WDR41: variants seen among roughly 807,000 people sequenced by gnomAD.
WDR41 encodes WD repeat domain 41.
WDR41 carries 63 observed loss-of-function variants against 69.3 expected under a neutral mutation model. The ratio of observed to expected loss-of-function variants is 0.91; its 90% CI spans 0.74 to 1.12. The LOEUF (loss-of-function observed/expected upper bound fraction) is 1.12. WDR41 is among the 50% of genes most tolerant of loss of function. WDR41 has a pLI of 0.00. For missense variants in WDR41, 543 were observed against 534.5 expected, an observed-to-expected ratio of 1.02 and a Z score of -0.16; for synonymous variants, 185 against 192.1, an observed-to-expected ratio of 0.96 and a Z score of 0.31.
At chr5:77,458,990 TAA>T in intron 5 of WDR41, 70 bp downstream of exon 5, 1 of 1,120,286 alleles carries the variant, frequency 8.9e-7, no homozygotes, top group Non-Finnish European at 1.3e-6. Flanking sequence ...TAATTTCGTC[TAA>T]CTCTTTAAAC....
intron 1 of WDR41, chr5:77,582,696 G>A: frequency 1.3e-6 from 2 of 1,597,778 alleles, no homozygotes; most frequent in Non-Finnish European, 1.7e-6. Flanking sequence ...AGGTCCGAAA[G>A]GTGTTGCAGC....
intron 8 of WDR41, among the ~76,000 whole-genome samples, chr5:77,443,633 C>T (rs542299855): frequency 1.3e-5 from 2 of 152,236 alleles, no homozygotes; most frequent in East Asian, 3.9e-4. Context: ...ACACCTTTCC[C>T]TCCTTTTTCC....
rs1358752583 is a variant in WDR41 at position 77,592,727 on chromosome 5, T to A, written c.42+27752A>T. The stretch of plus-strand genomic sequence containing the variant: ...CCACTTAATTCTCCCAGCAATGATG[T>A]TTTCAATGCATGCAAAGTACTGCTA... On this transcript the variant is annotated intron_variant, in intron 1 of 5. Coordinates refer to the WDR41 transcript ENST00000509971. Among the ~76,000 whole-genome samples the A allele has an allele frequency of 2.6e-5, 4 of 152,132 alleles. No homozygotes were observed. The South Asian group carries it at 6.2e-4, about 24-fold the overall frequency.
intron 1 of WDR41, among the ~76,000 whole-genome samples, chr5:77,561,039 T>C (rs1267911457): frequency 6.6e-6 from 1 of 152,190 alleles, no homozygotes; most frequent in African/African-American, 2.4e-5. Context: ...GCCCCAAACC[T>C]GATTAGATGT....
At chr5:77,533,119 G>A (rs922130663) in intron 1 of WDR41, among the ~76,000 whole-genome samples, 6 of 152,138 alleles carry the variant, frequency 3.9e-5, no homozygotes, top group African/African-American at 7.2e-5. Flanking sequence ...AAGCTCTCTC[G>A]GGAGAAGGAA....
intron 2 of WDR41, among the ~76,000 whole-genome samples, chr5:77,466,439 T>C (rs1561747258): frequency 6.6e-6 from 1 of 151,926 alleles, no homozygotes; most frequent in African/African-American, 2.4e-5. Flanking sequence ...AGGTCTTAAG[T>C]GTTCTTTGGT....
intron 1 of WDR41, chr5:77,545,425 C>T (rs1331202186): frequency 3.9e-5 from 7 of 178,950 alleles, no homozygotes; most frequent in African/African-American, 9.6e-5. Context: ...GGGGACAGGT[C>T]GGGCCGGAGG....
chr5:77,611,959 T>C (rs2112342428), intron 1 of WDR41, among the ~76,000 whole-genome samples: 1 of 152,102 alleles, frequency 6.6e-6, no homozygotes, highest in African/African-American at 2.4e-5. Flanking sequence ...AAAAAGGGGA[T>C]ATCACCACTG....
At chr5:77,493,290 G>T (rs959509871), upstream of WDR41, among the ~76,000 whole-genome samples, 2 of 152,136 alleles carry the variant, frequency 1.3e-5, no homozygotes, top group African/African-American at 4.8e-5. Flanking sequence ...ATATGTATTA[G>T]GTTCAAATAA....
chr5:77,457,778 T>G (rs1799891748), intron 5 of WDR41, among the ~76,000 whole-genome samples: 1 of 152,026 alleles, frequency 6.6e-6, no homozygotes. Flanking sequence ...CAAGAACAAC[T>G]GAACCACTGA....
intron 1 of WDR41, among the ~76,000 whole-genome samples, chr5:77,597,442 C>A (rs545704279): frequency 6.6e-6 from 1 of 152,214 alleles, no homozygotes; most frequent in East Asian, 1.9e-4. Flanking sequence ...TGGCCCTGAT[C>A]TGAGTTTGGC....
At chr5:77,473,050 A>G (rs1308911315) in intron 2 of WDR41, among the ~76,000 whole-genome samples, 1 of 152,076 alleles carries the variant, frequency 6.6e-6, no homozygotes, top group Non-Finnish European at 1.5e-5. Context: ...CCAAAACAGC[A>G]TGATACTGGT....
chr5:77,558,152 T>C (rs1743448765), intron 1 of WDR41, among the ~76,000 whole-genome samples: 2 of 144,036 alleles, frequency 1.4e-5, no homozygotes, highest in Non-Finnish European at 3.0e-5. Context: ...ATCGTTAAAA[T>C]GCGATTCTTC....
chr5:77,460,754 G>A (rs371725022), intron 4 of WDR41, among the ~76,000 whole-genome samples: 9 of 152,186 alleles, frequency 5.9e-5, no homozygotes, highest in Middle Eastern at 3.4e-3. Context: ...AATTTTGTGC[G>A]TTAAACAAAA....
At chr5:77,517,831 A>G (rs1399581275) in intron 1 of WDR41, among the ~76,000 whole-genome samples, 1 of 152,114 alleles carries the variant, frequency 6.6e-6, no homozygotes, top group Admixed American at 6.5e-5. Context: ...AAAAATAATA[A>G]TAAGAAGAAA....
At chr5:77,446,855 AGGCATG>A (rs1799405599) in intron 8 of WDR41, among the ~76,000 whole-genome samples, 1 of 152,230 alleles carries the variant, frequency 6.6e-6, no homozygotes, top group African/African-American at 2.4e-5. Context: ...TTCAGAACAC[AGGCATG>A]GGCAAAGACT....
chr5:77,611,241 G>T (rs1160424156), intron 1 of WDR41, among the ~76,000 whole-genome samples: 2 of 152,132 alleles, frequency 1.3e-5, no homozygotes, highest in African/African-American at 2.4e-5. Flanking sequence ...ACATTAGACA[G>T]ATCAACAAGA....
intron 9 of WDR41, 96 bp from the exon 10 acceptor site, chr5:77,438,457 T>C (rs1372631354): frequency 2.6e-6 from 4 of 1,510,516 alleles, no homozygotes; most frequent in Non-Finnish European, 3.6e-6. Flanking sequence ...AAAGCCACCA[T>C]TACCTTTCCC....
At chr5:77,444,809 G>C (rs912492641) in intron 8 of WDR41, among the ~76,000 whole-genome samples, 3 of 152,128 alleles carry the variant, frequency 2.0e-5, no homozygotes, top group Admixed American at 2.0e-4. Context: ...CAGACTACTT[G>C]GTCATGTTTG....
Sources: gnomAD v4.1 joint callset for allele counts (sites outside exome capture counted in the v4.1 genomes callset) on GRCh38, gnomAD v4.1.1 for gene constraint, MANE v1.5 for transcripts, NCBI Gene and HGNC (gene_info 2026-07-23, HGNC 2026-07-21) for gene names.